Variants in AATF observed in about 807,000 individuals in gnomAD.
The protein encoded by AATF is protein AATF.
Under a neutral mutation model 63.7 loss-of-function variants are expected in AATF, and 48 were observed. The ratio of observed to expected loss-of-function variants is 0.75; its 90% CI spans 0.60 to 0.96. AATF has a LOEUF of 0.96. Ranked by LOEUF, AATF falls within the 40% of genes least tolerant of loss-of-function variation. The pLI is 0.00. For missense variants in AATF, 639 were observed against 685.7 expected, an observed-to-expected ratio of 0.93 and a Z score of 0.76; for synonymous variants, 258 against 247.7, an observed-to-expected ratio of 1.04 and a Z score of -0.39.
chr17:36,972,744 CTG>C (rs1244511008), intron 4 of AATF, among the ~76,000 whole-genome samples: 1 of 149,816 alleles, frequency 6.7e-6, no homozygotes, highest in Non-Finnish European at 1.5e-5. Context: ...TCTGATGAAA[CTG>C]TTGGGGTTTT....
chr17:37,035,374 A>G (rs938162945), intron 11 of AATF, among the ~76,000 whole-genome samples: 2 of 150,274 alleles, frequency 1.3e-5, no homozygotes, highest in Non-Finnish European at 1.5e-5. Context: ...GTGCACCACC[A>G]TGCACACACG....
At chr17:37,012,609 C>G (rs1376195540) in intron 8 of AATF, among the ~76,000 whole-genome samples, 1 of 152,170 alleles carries the variant, frequency 6.6e-6, no homozygotes, top group African/African-American at 2.4e-5. Flanking sequence ...GCATCTGTGG[C>G]TATGAACTGT....
chr17:37,042,737 CTTTTTT>C (rs556843023), intron 11 of AATF, among the ~76,000 whole-genome samples: 1 of 137,374 alleles, frequency 7.3e-6, no homozygotes, highest in Non-Finnish European at 1.6e-5. Context: ...TTTTTTCTTT[CTTTTTT>C]TTTTTTTTTT....
At chr17:37,056,445 T>A in intron 11 of AATF, 156 bp from the exon 12 acceptor site, 2 of 682,884 alleles carry the variant, frequency 2.9e-6, no homozygotes, top group Non-Finnish European at 5.0e-6. Context: ...TTCCTTCTGT[T>A]GTATTTGTGA....
intron 11 of AATF, among the ~76,000 whole-genome samples, chr17:37,047,845 T>A (rs1438598615): frequency 6.6e-6 from 1 of 152,184 alleles, no homozygotes; most frequent in African/African-American, 2.4e-5. Context: ...TTGTGGCAGA[T>A]TCGGGCGGCT....
Position 36,976,265 on chromosome 17 carries a change from G to A in AATF, c.833-10352G>A, listed in dbSNP as rs2071079328. 2.0e-5 allele frequency among the ~76,000 whole-genome samples: 3 copies of A among 152,288 alleles called. No homozygotes were observed. In the South Asian group the frequency reaches 6.2e-4, roughly 32 times the overall value. On this transcript the variant is annotated intron_variant, in intron 4 of 11. Transcript: ENST00000619387. ...GCAATTGTTTTTTAAGCTTATAGTA[G>A]TGTTTCAATTTCTGTATCTGTAAAA...
At chr17:37,034,100 C>T (rs1471085867) in intron 11 of AATF, among the ~76,000 whole-genome samples, 1 of 152,156 alleles carries the variant, frequency 6.6e-6, no homozygotes, top group African/African-American at 2.4e-5. Context: ...GGTTTAGCTA[C>T]TTAAGGAATG....
chr17:37,024,769 G>A (rs1474872724), intron 10 of AATF, among the ~76,000 whole-genome samples: 3 of 152,038 alleles, frequency 2.0e-5, no homozygotes, highest in African/African-American at 7.2e-5. Context: ...GACAAGCCTG[G>A]CCAACATGGT....
intron 4 of AATF, among the ~76,000 whole-genome samples, chr17:36,972,181 G>A (rs17572725): frequency 0.12 from 17,549 of 152,112 alleles, 1,278 homozygotes; most frequent in Non-Finnish European, 0.16. Context: ...TCAACCTATA[G>A]TGTCATTTTT....
At position 36,950,206 on chromosome 17, in the gene AATF, C is replaced by T. The variant is rs1460688876; in HGVS notation, c.92-8C>T. Reference sequence around the variant, plus strand: ...AGATTCTGTTTACTTTTCCCTCTCCCCCGACAGCCACTGCTGCCAGGGTGA... The same window carrying T: ...AGATTCTGTTTACTTTTCCCTCTCCTCCGACAGCCACTGCTGCCAGGGTGA... On this transcript the variant is annotated splice_polypyrimidine_tract_variant and splice_region_variant and intron_variant, in intron 1 of 11. Transcript: ENST00000619387. The T allele has an allele frequency of 9.3e-6, 15 of 1,611,036 alleles. No homozygotes were observed. The highest frequency in any genetic ancestry group is 1.3e-5 in the Non-Finnish European group (15 of 1,177,588).
At chr17:37,006,197 C>A (rs113849067) in intron 8 of AATF, among the ~76,000 whole-genome samples, 1 of 151,990 alleles carries the variant, frequency 6.6e-6, no homozygotes, top group African/African-American at 2.4e-5. Flanking sequence ...GGGCCAGGTG[C>A]GGTGGCTCTT....
intron 7 of AATF, 40 bp from the exon 8 acceptor site, chr17:36,990,734 T>G: frequency 7.9e-7 from 1 of 1,269,530 alleles, no homozygotes; most frequent in African/African-American, 1.5e-5. Context: ...TTAGATAGCC[T>G]TGTTGGGATT....
chr17:37,009,835 A>C (rs1484939271), intron 8 of AATF, among the ~76,000 whole-genome samples: 1 of 150,088 alleles, frequency 6.7e-6, no homozygotes, highest in Non-Finnish European at 1.5e-5. Flanking sequence ...AAAAAAAAAA[A>C]AAAAAAAAAA....
rs2071648919 is a variant in AATF at position 37,042,473 on chromosome 17, A to G, written c.1619+10788A>G. On this transcript the variant is annotated intron_variant, in intron 11 of 11. Transcript: ENST00000619387. The stretch of plus-strand genomic sequence containing the variant: ...TCTGTTGCCCAGGCTGGAGTACAGT[A>G]GCCCAATTATAGCTCACTGCAGCCT... Among the ~76,000 whole-genome samples, 3 of 150,668 alleles carry G rather than the reference A, an allele frequency of 2.0e-5. No homozygotes were observed. The South Asian group carries it at 6.3e-4, about 32-fold the overall frequency.
rs191560616 is a variant in AATF, at chr17:37,036,385, G to A, written c.1619+4700G>A. On this transcript the variant is annotated intron_variant, in intron 11 of 11. Coordinates refer to ENST00000619387, the MANE Select transcript of AATF (RefSeq NM_012138.4). ...GGTTGACTTAAATTGAAACTGGAACGTAGCTCATTAAGGGAGAGAGAGAGA... is the reference window on the plus strand; with the variant it reads ...GGTTGACTTAAATTGAAACTGGAACATAGCTCATTAAGGGAGAGAGAGAGA... Among the ~76,000 whole-genome samples the A allele has an allele frequency of 3.9e-3, 599 of 152,194 alleles. 2 individuals are homozygous for A. The highest frequency in any genetic ancestry group is 0.024 in the Middle Eastern group (7 of 294).
intron 11 of AATF, among the ~76,000 whole-genome samples, chr17:37,049,494 A>G (rs1020120916): frequency 3.3e-5 from 5 of 151,834 alleles, no homozygotes; most frequent in African/African-American, 1.2e-4. Context: ...AGTCCCAGGT[A>G]CTCGGGAAGC....
At chr17:37,048,228 G>C (rs2071711348) in intron 11 of AATF, among the ~76,000 whole-genome samples, 1 of 152,064 alleles carries the variant, frequency 6.6e-6, no homozygotes, top group African/African-American at 2.4e-5. Context: ...GCCGTATTCA[G>C]AAATCCTAAG....
intron 7 of AATF, among the ~76,000 whole-genome samples, chr17:36,990,315 T>G (rs548379082): frequency 5.3e-5 from 8 of 152,188 alleles, no homozygotes; most frequent in Non-Finnish European, 1.0e-4. Context: ...ATGCAAACAA[T>G]GGATATTATG....
rs1412019823 is a variant in AATF, at chr17:37,056,650, G to A, written c.1669G>A (p.Gly557Ser). The change falls in exon 12 of 12, where the codon GGC becomes AGC. Residue 557 changes from glycine (G) to serine (S), a missense_variant. Coordinates refer to ENST00000619387, the MANE Select transcript of AATF (RefSeq NM_012138.4). ...LFGQLHPPDE[G>S]HGD The stretch of plus-strand genomic sequence containing the variant: ...TGGCCAGCTCCACCCTCCCGACGAA[G>A]GCCACGGGGATTGACATCGCCCACC... 1 of 1,614,212 alleles carries A rather than the reference G, an allele frequency of 6.2e-7. No homozygotes were observed. The highest frequency in any genetic ancestry group is 1.1e-5 in the South Asian group (1 of 91,086).
Sources: allele counts gnomAD v4.1 joint callset (sites outside exome capture counted in the v4.1 genomes callset), GRCh38; gene constraint gnomAD v4.1.1; transcripts MANE v1.5; gene names NCBI Gene and HGNC (gene_info 2026-07-23, HGNC 2026-07-21).